The following RADIL variants were observed in gnomAD, a reference collection of about 807,000 sequenced individuals.
The protein encoded by RADIL is ras-associating and dilute domain-containing protein.
In RADIL, 99 loss-of-function variants were observed where a neutral mutation model predicts 97.6. The ratio of observed to expected loss-of-function variants is 1.01; its 90% CI spans 0.86 to 1.20. RADIL has a LOEUF of 1.20. Ranked by LOEUF, RADIL falls within the 50% of genes most tolerant of loss-of-function variation. RADIL has a pLI of 0.00. For missense variants in RADIL, 1,765 were observed against 1,498.9 expected (o/e 1.18, Z -2.93); for synonymous variants, 803 against 691.8 (o/e 1.16, Z -2.52).
chr7:4,864,129 C>T (rs1029504704), intron 2 of RADIL, among the ~76,000 whole-genome samples: 8 of 152,242 alleles, frequency 5.3e-5, no homozygotes, highest in African/African-American at 1.9e-4. Flanking sequence ...TCAACATTGG[C>T]TTACATGCTC....
rs527750411 is a variant in RADIL, at chr7:4,809,453, A to G, written c.2140-3737T>C. Reference sequence around the variant, plus strand: ...AGGAAACCACACATCTGACACGCACAAGCCAACGAATTTCCCCCGAGGAAC... The same window carrying G: ...AGGAAACCACACATCTGACACGCACGAGCCAACGAATTTCCCCCGAGGAAC... On this transcript the variant is annotated intron_variant, in intron 9 of 14. Coordinates refer to ENST00000399583, the MANE Select transcript of RADIL (RefSeq NM_018059.5). 4 of 985,408 alleles carry G rather than the reference A, an allele frequency of 4.1e-6. No homozygotes were observed. In the South Asian group the frequency reaches 1.4e-4, roughly 35 times the overall value. The allele number at this position is 985,408 out of a possible 1,614,324, so 61.0% of individuals were successfully genotyped here. A position where few individuals can be genotyped will look rare whatever the true frequency, so the allele number is the denominator to read the frequency against.
Position 4,877,876 on chromosome 7 carries a change from G to A in RADIL, c.264C>T (p.Ser88=), listed in dbSNP as rs546360186. The A allele has an allele frequency of 4.4e-6, 7 of 1,605,500 alleles. No individual in the cohort carries two copies. The highest frequency in any genetic ancestry group is 2.2e-5 in the East Asian group (1 of 44,870). Residue 88 remains serine (S), a synonymous_variant, in exon 2 of 15, where the codon AGC becomes AGT. Transcript: ENST00000399583. ...YKSVLATGTS[S]ARELVKEALE... ...GCGCCTCCTTCACCAGCTCACGGGC[G>A]CTGGAGGTGCCGGTGGCCAGGACGC...
intron 5 of RADIL, among the ~76,000 whole-genome samples, chr7:4,827,756 C>G (rs73314473): frequency 0.083 from 12,620 of 152,212 alleles, 1,777 homozygotes; most frequent in African/African-American, 0.29. Flanking sequence ...CCCGAGGACT[C>G]TGGCCCGGAT....
At chr7:4,805,438 CAGGG>C in intron 10 of RADIL, 124 bp downstream of exon 10, 1 of 1,236,836 alleles carries the variant, frequency 8.1e-7, no homozygotes, top group Non-Finnish European at 1.1e-6. Context: ...GAGGCTCCTC[CAGGG>C]AGGTCCCCAG....
At position 4,838,488 on chromosome 7, in the gene RADIL, G is replaced by A. The variant is rs973063639; in HGVS notation, c.536-1883C>T. ...CACAAATGCGGCACGGGATGTCCCA[G>A]GCCTGTGTCCCCTGGGGCTGCAGCC... On this transcript the variant is annotated intron_variant, in intron 2 of 14. Transcript: ENST00000399583. Among the ~76,000 whole-genome samples, 8 of 152,132 alleles carry A rather than the reference G, an allele frequency of 5.3e-5. 1 individual carries two copies. Among genetic ancestry groups the A allele is most frequent in the Non-Finnish European group, 1.2e-4 (8 of 68,006 alleles).
intron 2 of RADIL, chr7:4,861,649 T>C: frequency 6.2e-7 from 1 of 1,606,822 alleles, no homozygotes; most frequent in Non-Finnish European, 8.5e-7. Context: ...CCTCTTCCTC[T>C]TCGAAGACCC....
chr7:4,805,405 G>C (rs779032107), intron 10 of RADIL, 161 bp downstream of exon 10: 25,657 of 825,354 alleles, frequency 0.031, 590 homozygotes, highest in African/African-American at 0.084. Flanking sequence ...GGGATGGGGC[G>C]GGGCGGGGGG....
intron 2 of RADIL, among the ~76,000 whole-genome samples, chr7:4,850,545 G>C (rs529812918): frequency 2.0e-5 from 3 of 152,364 alleles, no homozygotes; most frequent in African/African-American, 7.2e-5. Flanking sequence ...AGAGAAGTCA[G>C]AGAGGTTTGA....
intron 4 of RADIL, among the ~76,000 whole-genome samples, chr7:4,832,602 G>A (rs1210509557): frequency 6.6e-6 from 1 of 152,024 alleles, no homozygotes; most frequent in African/African-American, 2.4e-5. Context: ...AGCCGGGTGT[G>A]GTGGCGCATG....
In RADIL at chr7:4,837,344, C is replaced by G. The variant is rs962599338; in HGVS notation, c.536-739G>C. 6.6e-6 allele frequency among the ~76,000 whole-genome samples: 1 copy of G among 152,196 alleles called. No homozygotes were observed. The highest frequency in any genetic ancestry group is 2.1e-4 in the South Asian group (1 of 4,836). On this transcript the variant is annotated intron_variant, in intron 2 of 14. Coordinates refer to ENST00000399583, the MANE Select transcript of RADIL (RefSeq NM_018059.5). This position sits in a 1 kb window ranked among gnomAD's most constrained non-coding sequence, Gnocchi z 5.6. The stretch of plus-strand genomic sequence containing the variant: ...AGCCCTGCCCCATCCATCTGTGCAC[C>G]AGGCGAAACTCCCCTGGGGGTGGTG...
rs566880759 is a variant in RADIL, at chr7:4,808,548, G to C, written c.2140-2832C>G. The C allele has an allele frequency of 2.1e-5, 20 of 971,576 alleles. No homozygotes were observed. In the African/African-American group the frequency reaches 3.0e-4, roughly 15 times the overall value. 60.2% of individuals were successfully genotyped at this position (971,576 alleles called of 1,614,324 possible). On this transcript the variant is annotated intron_variant, in intron 9 of 14. Transcript: ENST00000399583. Reference sequence around the variant, plus strand: ...GTTTGAGAAAAACAAAACAAAGAAGGAGATGGGACATAGACAAAAGCGGCC... The same window carrying C: ...GTTTGAGAAAAACAAAACAAAGAAGCAGATGGGACATAGACAAAAGCGGCC...
At chr7:4,809,142 G>T (rs941161878) in intron 9 of RADIL, 1 of 985,080 alleles carries the variant, frequency 1.0e-6, no homozygotes, top group African/African-American at 1.7e-5. Flanking sequence ...CTCAGCGTGG[G>T]GTGGCCCGGC....
rs1291093066 is a variant in RADIL at position 4,801,833 on chromosome 7, C to T, written c.2662G>A (p.Gly888Arg). The change falls in exon 12 of 15, where the codon GGG becomes AGG. Residue 888 changes from glycine (G) to arginine (R), a missense_variant. Physicochemically the swap from Gly to Arg is moderately radical, Grantham distance 125. Transcript: ENST00000399583. ...TGCGGGGGGCCAGCCTGGGAGCCCCCACGGCTGGGTTGCCTTCCAGGGGGG... is the reference window on the plus strand; with the variant it reads ...TGCGGGGGGCCAGCCTGGGAGCCCCTACGGCTGGGTTGCCTTCCAGGGGGG... ...QAPPGRQPSR[G>R]GSQAGPPHTD... 2 of 1,604,390 alleles carry T rather than the reference C, an allele frequency of 1.2e-6. No individual in the cohort carries two copies. The highest frequency in any genetic ancestry group is 1.7e-6 in the Non-Finnish European group (2 of 1,176,264).
Position 4,873,734 on chromosome 7 carries a change from C to T in RADIL, c.535+3871G>A, listed in dbSNP as rs1477795710. 6.6e-6 allele frequency among the ~76,000 whole-genome samples: 1 copy of T among 152,254 alleles called. No individual in the cohort carries two copies. Among genetic ancestry groups the T allele is most frequent in the Admixed American group, 6.5e-5 (1 of 15,292 alleles). ...TCAGGACAAACAGACACCACAGCAG[C>T]CCCATCGGTGCCCAGGGAGGCGCAG... On this transcript the variant is annotated intron_variant, in intron 2 of 14. Transcript: ENST00000399583. This position sits in a 1 kb window ranked among gnomAD's most constrained non-coding sequence, Gnocchi z 4.3.
At chr7:4,871,400 C>T (rs300537) in intron 2 of RADIL, among the ~76,000 whole-genome samples, 268 of 152,352 alleles carry the variant, frequency 1.8e-3, no homozygotes, top group Admixed American at 5.7e-3. Flanking sequence ...GCGCTTCCCG[C>T]GTGCACACAA....
In RADIL at chr7:4,834,501, T is replaced by TG; in HGVS notation, c.1416+105dup. ...CCCTGCGCTCAGCAGCACAGCACCG[T>TG]GGGGGTCAGATAGAGGCGCTCCCGC... On this transcript the variant is annotated intron_variant, in intron 4 of 14. Coordinates refer to ENST00000399583, the MANE Select transcript of RADIL (RefSeq NM_018059.5). This position sits in a 1 kb window ranked among gnomAD's most constrained non-coding sequence, Gnocchi z 6.0. 8.4e-7 allele frequency: 1 copy of TG among 1,196,562 alleles called. No individual in the cohort carries two copies. The highest frequency in any genetic ancestry group is 3.2e-5 in the East Asian group (1 of 31,656). The allele number at this position is 1,196,562 out of a possible 1,614,324, so 74.1% of individuals were successfully genotyped here. A position where few individuals can be genotyped will look rare whatever the true frequency, so the allele number is the denominator to read the frequency against.
chr7:4,872,780 A>G lies in RADIL; in HGVS notation c.535+4825T>C, dbSNP rs1275221741. Among the ~76,000 whole-genome samples, 2 of 152,150 alleles carry G rather than the reference A, an allele frequency of 1.3e-5. No individual in the cohort carries two copies. The highest frequency in any genetic ancestry group is 2.9e-5 in the Non-Finnish European group (2 of 68,022). On this transcript the variant is annotated intron_variant, in intron 2 of 14. Transcript: ENST00000399583. This position sits in a 1 kb window ranked among gnomAD's most constrained non-coding sequence, Gnocchi z 5.8. ...TTCTACAGGGGGGTAGCAGTGAACT[A>G]AGTGATGAGTGAACCGGCAGGAAGC... is the stretch of plus-strand genomic sequence containing the variant.
rs202086015 is a variant in RADIL at position 4,836,548 on chromosome 7, G to A, written c.593C>T (p.Pro198Leu). The A allele has an allele frequency of 4.7e-4, 749 of 1,607,626 alleles. 3 individuals carry two copies. The Middle Eastern group carries it at 5.3e-3, about 11-fold the overall frequency. The change falls in exon 3 of 15, where the codon CCG becomes CTG. Residue 198 changes from proline (P) to leucine (L), a missense_variant. By Grantham distance (98) the Pro-to-Leu change is moderately conservative. Transcript: ENST00000399583. Reference protein sequence around the residue: ...QRSRAKGTPTPALGDARSSPP... With the variant: ...QRSRAKGTPTLALGDARSSPP... ...AGAGCTCCGGGCATCCCCCAGGGCC[G>A]GGGTCGGGGTTCCCTTCGCGCGACT...
At position 4,799,479 on chromosome 7, in the gene RADIL, C is replaced by T. The variant is rs747655487; in HGVS notation, c.3127G>A (p.Val1043Met). The T allele has an allele frequency of 1.9e-6, 3 of 1,613,970 alleles. No homozygotes were observed. In the Admixed American group the frequency reaches 5.0e-5, roughly 27 times the overall value. ...TTCCCGCCATGACGGATCAGGTCCA[C>T]AGCTCTGAAATCCATGCCAGAGGTG... ...SLLGLGYLRA[V>M]DLIRHGGKKM... Residue 1043 changes from valine to methionine, a missense_variant, in exon 15 of 15, where the codon GTG becomes ATG. Val to Met is a conservative substitution (Grantham distance 21, BLOSUM62 1). Transcript: ENST00000399583.
Sources: allele counts gnomAD v4.1 joint callset (sites outside exome capture counted in the v4.1 genomes callset), GRCh38; gene constraint gnomAD v4.1.1; non-coding constraint Gnocchi (gnomAD v3.1); transcripts MANE v1.5; gene names NCBI Gene and HGNC (gene_info 2026-07-23, HGNC 2026-07-21).